The following SCARB2 variants were observed in gnomAD, a reference collection of about 807,000 sequenced individuals.
The protein encoded by SCARB2 is lysosome membrane protein 2.
A neutral mutation model predicts 58.6 loss-of-function variants in SCARB2; 29 were observed. The ratio of observed to expected loss-of-function variants is 0.49; its 90% confidence interval spans 0.37 to 0.67. The LOEUF (loss-of-function observed/expected upper bound fraction) is 0.67, where lower values mean the gene tolerates loss of function less well. SCARB2 is among the 30% of genes least tolerant of loss of function. The probability of loss-of-function intolerance (pLI) is 0.00; values close to 1 mark genes in which losing one functional copy is unlikely to be tolerated. For missense variants in SCARB2, 488 were observed against 578.5 expected (o/e 0.84, Z 1.60); for synonymous variants, 195 against 210.1 (o/e 0.93, Z 0.62).
intron 4 of SCARB2, chr4:76,179,047 GTTTTTGTTTTT>G (rs1344972659): frequency 4.7e-4 from 73 of 155,116 alleles, no homozygotes; most frequent in African/African-American, 1.3e-3. Flanking sequence ...TTTTGTTTTT[GTTTTTGTTTTT>G]TTTTTGGCTT....
intron 2 of SCARB2, chr4:76,192,693 A>G (rs1732631691): frequency 6.6e-6 from 1 of 151,784 alleles, no homozygotes. Flanking sequence ...AAAAAAAAAA[A>G]AGTTAAAAAT....
At chr4:76,189,791 T>C (rs1335828501) in intron 2 of SCARB2, among the ~76,000 whole-genome samples, 1 of 151,984 alleles carries the variant, frequency 6.6e-6, no homozygotes, top group African/African-American at 2.4e-5. Context: ...TTTTAAAAAG[T>C]CCCTTATAAA....
At chr4:76,219,298 A>G (rs1733267442) in intron 1 of SCARB2, among the ~76,000 whole-genome samples, 2 of 152,212 alleles carry the variant, frequency 1.3e-5, no homozygotes, top group African/African-American at 4.8e-5. Flanking sequence ...GCCAGGAAGG[A>G]GTTGCCAGTC....
At chr4:76,219,314 G>A (rs1255571323) in intron 1 of SCARB2, among the ~76,000 whole-genome samples, 1 of 152,162 alleles carries the variant, frequency 6.6e-6, no homozygotes, top group African/African-American at 2.4e-5. Flanking sequence ...CAGTCCGGTG[G>A]CCAAAAATAT....
intron 2 of SCARB2, among the ~76,000 whole-genome samples, chr4:76,182,007 TCAAGATA>T (rs1237773098): frequency 1.3e-5 from 2 of 152,140 alleles, no homozygotes; most frequent in Non-Finnish European, 1.5e-5. Flanking sequence ...CAAGTAGTAA[TCAAGATA>T]AATAGTTTAA....
Position 76,213,063 on chromosome 4 carries a change from G to A in SCARB2, c.117+364C>T, listed in dbSNP as rs1018305328. ...AGACAACATAACCTGCCTCTTCTGC[G>A]GTGTCTTTCATTCAGTTCTGTTTCT... On this transcript the variant is annotated intron_variant, in intron 1 of 11. Transcript: ENST00000264896. 15 of 325,444 alleles carry A rather than the reference G, an allele frequency of 4.6e-5. 1 individual carries two copies. Among genetic ancestry groups the A allele is most frequent in the South Asian group, 2.5e-5 (1 of 39,264 alleles). 20.2% of individuals were successfully genotyped at this position (325,444 alleles called of 1,614,324 possible).
chr4:76,218,341 C>T (rs1307723614), upstream of SCARB2, among the ~76,000 whole-genome samples: 1 of 152,342 alleles, frequency 6.6e-6, no homozygotes, highest in African/African-American at 2.4e-5. Context: ...CTCCCTCCTC[C>T]CCTACCCATC....
At chr4:76,229,640 C>G (rs1208100180) in intron 1 of SCARB2, among the ~76,000 whole-genome samples, 4 of 152,270 alleles carry the variant, frequency 2.6e-5, no homozygotes, top group Middle Eastern at 6.8e-3. Context: ...GTGCAGCTAC[C>G]AGGCTCCAGG....
chr4:76,205,011 A>T (rs570490305), intron 1 of SCARB2, among the ~76,000 whole-genome samples: 57 of 152,272 alleles, frequency 3.7e-4, no homozygotes, highest in African/African-American at 1.3e-3. Context: ...TCTAATGTAC[A>T]TCATGGTGAT....
At chr4:76,182,436 A>G (rs545415539) in intron 2 of SCARB2, among the ~76,000 whole-genome samples, 11 of 152,238 alleles carry the variant, frequency 7.2e-5, no homozygotes, top group Non-Finnish European at 1.3e-4. Context: ...TATCAAAATT[A>G]ATTTTACCTG....
At chr4:76,226,790 G>A (rs1353737173) in intron 1 of SCARB2, among the ~76,000 whole-genome samples, 2 of 152,024 alleles carry the variant, frequency 1.3e-5, no homozygotes, top group Non-Finnish European at 1.5e-5. Context: ...ATCTTCTCTA[G>A]ATTTTCTAGT....
At chr4:76,218,508 C>T (rs754965502), upstream of SCARB2, among the ~76,000 whole-genome samples, 42 of 152,190 alleles carry the variant, frequency 2.8e-4, no homozygotes, top group Non-Finnish European at 5.3e-4. Flanking sequence ...CCGCCTCCTC[C>T]GATCAAGAAG....
In SCARB2 at chr4:76,161,861, G is replaced by A. The variant is rs1010967541; in HGVS notation, c.1399-110C>T. ...GCATGGAAGGAGGAGAGACCTATAG[G>A]AAGGTGGCTCATCTCACTCACCTCC... is the stretch of plus-strand genomic sequence containing the variant. On this transcript the variant is annotated intron_variant, in intron 11 of 11. Coordinates refer to ENST00000264896, the MANE Select transcript of SCARB2 (RefSeq NM_005506.4). 26 of 1,006,708 alleles carry A rather than the reference G, an allele frequency of 2.6e-5. No individual in the cohort carries two copies. In the Admixed American group the frequency reaches 4.7e-4, roughly 18 times the overall value. 62.4% of individuals were successfully genotyped at this position (1,006,708 alleles called of 1,614,324 possible).
At chr4:76,202,884 A>G (rs746357259) in intron 1 of SCARB2, among the ~76,000 whole-genome samples, 2 of 152,214 alleles carry the variant, frequency 1.3e-5, no homozygotes, top group Non-Finnish European at 2.9e-5. Flanking sequence ...ATATTTAAAA[A>G]AATATACTAA....
At chr4:76,204,712 A>G (rs1351891720) in intron 1 of SCARB2, among the ~76,000 whole-genome samples, 4 of 152,188 alleles carry the variant, frequency 2.6e-5, no homozygotes, top group Non-Finnish European at 5.9e-5. Flanking sequence ...ATGTGAATAA[A>G]TAAGAAATAA....
intron 2 of SCARB2, among the ~76,000 whole-genome samples, chr4:76,191,497 T>G (rs1345565924): frequency 1.3e-5 from 2 of 152,006 alleles, no homozygotes; most frequent in East Asian, 3.9e-4. Context: ...TTGTAAAGTG[T>G]GGCACCTCTC....
intron 1 of SCARB2, among the ~76,000 whole-genome samples, chr4:76,202,093 A>C (rs1453184737): frequency 3.3e-5 from 5 of 152,224 alleles, no homozygotes; most frequent in Admixed American, 3.3e-4. Context: ...AAATACCTAG[A>C]TATTATGATA....
chr4:76,223,822 G>C (rs1050942192), intron 1 of SCARB2, among the ~76,000 whole-genome samples: 21 of 151,762 alleles, frequency 1.4e-4, no homozygotes, highest in African/African-American at 3.9e-4. Flanking sequence ...ACTAAAAGGA[G>C]AGTGTCCCTG....
At chr4:76,176,152 G>C in intron 5 of SCARB2, 1 of 611,872 alleles carries the variant, frequency 1.6e-6, no homozygotes, top group Non-Finnish European at 2.9e-6. Context: ...AAGTATTTGT[G>C]CTGTAGCTAC....
Sources: allele counts gnomAD v4.1 joint callset (sites outside exome capture counted in the v4.1 genomes callset), GRCh38; gene constraint gnomAD v4.1.1; transcripts MANE v1.5; gene names NCBI Gene and HGNC (gene_info 2026-07-23, HGNC 2026-07-21).